NCOA2: variants seen among roughly 807,000 people sequenced by gnomAD.
NCOA2 encodes the protein class E basic helix-loop-helix protein 75.
A neutral mutation model predicts 145.1 loss-of-function variants in NCOA2; 21 were observed. The ratio of observed to expected loss-of-function variants is 0.14; its 90% CI spans 0.10 to 0.21. The LOEUF (loss-of-function observed/expected upper bound fraction) is 0.21. Among genes scored for constraint, NCOA2 ranks in the 10% least tolerant of loss-of-function variants. The pLI is 1.00. For synonymous variants in NCOA2, 619 were observed against 637.5 expected, an observed-to-expected ratio of 0.97 and a Z score of 0.44; for missense variants, 1,472 against 1,837.6, an observed-to-expected ratio of 0.80 and a Z score of 3.64.
intron 4 of NCOA2, among the ~76,000 whole-genome samples, chr8:70,195,703 G>A (rs965361308): frequency 6.6e-6 from 1 of 152,116 alleles, no homozygotes; most frequent in Non-Finnish European, 1.5e-5. Flanking sequence ...AAATATAAAT[G>A]GTCATACAGG....
intron 21 of NCOA2, among the ~76,000 whole-genome samples, chr8:70,123,562 T>C (rs1312971329): frequency 1.3e-5 from 2 of 149,976 alleles, no homozygotes; most frequent in African/African-American, 4.9e-5. Flanking sequence ...AATAGAGCTA[T>C]TTTAAAAGTA....
chr8:70,359,466 G>A (rs1041426813), intron 1 of NCOA2, among the ~76,000 whole-genome samples: 2 of 152,028 alleles, frequency 1.3e-5, no homozygotes, highest in Non-Finnish European at 2.9e-5. Flanking sequence ...AAGAAACAAG[G>A]TACAATAGAA....
rs1372313753 is a variant in NCOA2 at position 70,144,780 on chromosome 8, T to C, written c.2674A>G (p.Thr892Ala). Residue 892 changes from threonine to alanine, a missense_variant, in exon 13 of 23, where the codon ACA becomes GCA. By Grantham distance (58) the Thr-to-Ala change is moderately conservative. Transcript: ENST00000452400. The part of the protein sequence containing the change: ...LPNQNLPLDI[T>A]LQSPTGAGPF... The stretch of plus-strand genomic sequence containing the variant: ...CCAGCACCAGTTGGGCTTTGCAATG[T>C]GATGTCAAGTGGTAAATTCTGGTTT... 2 of 1,613,950 alleles carry C rather than the reference T, an allele frequency of 1.2e-6. No individual in the cohort carries two copies. The highest frequency in any genetic ancestry group is 1.7e-6 in the Non-Finnish European group (2 of 1,179,864).
At chr8:70,336,354 T>C (rs147615847) in intron 1 of NCOA2, among the ~76,000 whole-genome samples, 1 of 152,316 alleles carries the variant, frequency 6.6e-6, no homozygotes, top group East Asian at 1.9e-4. Flanking sequence ...GACTGGCTTA[T>C]TTCACTTAGC....
At chr8:70,210,017 T>G (rs1016011760) in intron 4 of NCOA2, among the ~76,000 whole-genome samples, 1 of 152,198 alleles carries the variant, frequency 6.6e-6, no homozygotes, top group African/African-American at 2.4e-5. Context: ...TTCTAAACAT[T>G]TATGACTATC....
chr8:70,215,628 C>A (rs1047278881), intron 3 of NCOA2, among the ~76,000 whole-genome samples: 7 of 152,196 alleles, frequency 4.6e-5, no homozygotes, highest in African/African-American at 1.7e-4. Context: ...CTCTTCCCTA[C>A]TATTTCATGT....
intron 1 of NCOA2, among the ~76,000 whole-genome samples, chr8:70,393,400 T>C (rs1813377801): frequency 2.0e-5 from 3 of 152,174 alleles, no homozygotes; most frequent in Admixed American, 2.0e-4. Context: ...TGTACAATTG[T>C]AGTGCAAGTG....
the NCOA2 span, among the ~76,000 whole-genome samples, chr8:70,452,318 T>C: frequency 6.6e-6 from 1 of 152,156 alleles, no homozygotes; most frequent in South Asian, 2.1e-4. Flanking sequence ...AAATAAAAAG[T>C]GGCCAATGAG....
chr8:70,388,277 G>A (rs373214741), intron 1 of NCOA2, among the ~76,000 whole-genome samples: 1 of 152,170 alleles, frequency 6.6e-6, no homozygotes, highest in Non-Finnish European at 1.5e-5. Context: ...AAATTATCAT[G>A]CAGCTCTTAT....
At chr8:70,119,495 A>G (rs1807536773) in intron 22 of NCOA2, among the ~76,000 whole-genome samples, 1 of 152,180 alleles carries the variant, frequency 6.6e-6, no homozygotes, top group Admixed American at 6.5e-5. Context: ...TATCTTTGCT[A>G]TTGTGAATAG....
intron 1 of NCOA2, among the ~76,000 whole-genome samples, chr8:70,385,982 TGAGAA>T (rs1299688633): frequency 6.6e-6 from 1 of 152,226 alleles, no homozygotes; most frequent in Non-Finnish European, 1.5e-5. Flanking sequence ...TTTCTGCTAT[TGAGAA>T]ATTTCTTAAT....
chr8:70,250,923 TA>T (rs1458726868), intron 2 of NCOA2, among the ~76,000 whole-genome samples: 1 of 152,226 alleles, frequency 6.6e-6, no homozygotes, highest in Non-Finnish European at 1.5e-5. Context: ...ATTTATATGT[TA>T]AATACATTTT....
chr8:70,344,738 G>C (rs1368782934), intron 1 of NCOA2, among the ~76,000 whole-genome samples: 1 of 152,168 alleles, frequency 6.6e-6, no homozygotes, highest in Non-Finnish European at 1.5e-5. Flanking sequence ...TCCAGCTACA[G>C]TAAATGTCTC....
chr8:70,400,027 T>C lies in NCOA2; in HGVS notation c.-77+3673A>G, dbSNP rs73684292. On this transcript the variant is annotated intron_variant, in intron 1 of 22. Coordinates refer to ENST00000452400, the MANE Select transcript of NCOA2 (RefSeq NM_006540.4). ...AGCTTTAATAAGATACAACTATAAA[T>C]AAAGACAACTAAGGAGCATTACCCC... 6.7e-3 allele frequency among the ~76,000 whole-genome samples: 1,024 copies of C among 152,248 alleles called. 12 individuals are homozygous for C. Among genetic ancestry groups the C allele is most frequent in the Middle Eastern group, 0.024 (7 of 294 alleles).
At chr8:70,453,986 A>G in the NCOA2 span, among the ~76,000 whole-genome samples, 1 of 152,196 alleles carries the variant, frequency 6.6e-6, no homozygotes, top group African/African-American at 2.4e-5. Context: ...AGAATTGTTC[A>G]TGTTTCATTT....
intron 2 of NCOA2, among the ~76,000 whole-genome samples, chr8:70,239,813 TA>T (rs1392488998): frequency 2.6e-5 from 4 of 152,086 alleles, no homozygotes; most frequent in African/African-American, 9.6e-5. Context: ...CACAAGATAA[TA>T]AAGTTACAAG....
chr8:70,168,379 C>T (rs1023002394), intron 6 of NCOA2, among the ~76,000 whole-genome samples: 23 of 152,258 alleles, frequency 1.5e-4, no homozygotes, highest in Middle Eastern at 3.4e-3. Flanking sequence ...AGTGCAGTGG[C>T]GTGATCTTGG....
At chr8:70,425,432 C>A in the NCOA2 span, among the ~76,000 whole-genome samples, 1 of 151,710 alleles carries the variant, frequency 6.6e-6, no homozygotes, top group African/African-American at 2.4e-5. Context: ...CCTTCGGTGG[C>A]CACACTAGAA....
intron 1 of NCOA2, among the ~76,000 whole-genome samples, chr8:70,380,892 T>C (rs1341647679): frequency 5.9e-5 from 9 of 152,134 alleles, no homozygotes; most frequent in Non-Finnish European, 1.3e-4. Context: ...TTGGGCAACA[T>C]GGCAAAAACC....
Sources: gnomAD v4.1 joint callset for allele counts (sites outside exome capture counted in the v4.1 genomes callset) on GRCh38, gnomAD v4.1.1 for gene constraint, MANE v1.5 for transcripts, NCBI Gene and HGNC (gene_info 2026-07-23, HGNC 2026-07-21) for gene names.